The following TCF12 variants were observed in gnomAD, a reference collection of about 807,000 sequenced individuals.
TCF12 encodes transcription factor 12.
In TCF12, 45 loss-of-function variants were observed where a neutral mutation model predicts 86.0. The observed-to-expected ratio is 0.52, with a 90% confidence interval of 0.41 to 0.67. The LOEUF is 0.67. Among genes scored for constraint, TCF12 ranks in the 30% least tolerant of loss-of-function variants. The probability of loss-of-function intolerance (pLI) is 0.00; values close to 1 mark genes in which losing one functional copy is unlikely to be tolerated. For synonymous variants in TCF12, 330 were observed against 299.6 expected, an observed-to-expected ratio of 1.10 and a Z score of -1.05; for missense variants, 881 against 859.9, an observed-to-expected ratio of 1.02 and a Z score of -0.31.
chr15:57,173,764 G>T (rs1490978241), intron 6 of TCF12, among the ~76,000 whole-genome samples: 19 of 151,040 alleles, frequency 1.3e-4, no homozygotes, highest in Non-Finnish European at 1.5e-4. Context: ...CTGGAGTGAA[G>T]TGGTGCTATC....
At chr15:57,002,422 T>C (rs1567232649) in intron 3 of TCF12, among the ~76,000 whole-genome samples, 2 of 152,196 alleles carry the variant, frequency 1.3e-5, no homozygotes. Context: ...TTATTTACTA[T>C]ATAAAGTCTA....
intron 4 of TCF12, among the ~76,000 whole-genome samples, chr15:57,068,647 C>A (rs1445414321): frequency 6.6e-6 from 1 of 152,174 alleles, no homozygotes; most frequent in African/African-American, 2.4e-5. Context: ...AATTCGGGAA[C>A]AATCATCAGA....
intron 13 of TCF12, among the ~76,000 whole-genome samples, chr15:57,250,709 A>G (rs1310805443): frequency 4.6e-5 from 7 of 151,808 alleles, no homozygotes; most frequent in Non-Finnish European, 1.0e-4. Flanking sequence ...AGCCCAGGTA[A>G]CAGAGCAAGA....
At chr15:56,962,739 TC>T (rs563894944) in intron 3 of TCF12, among the ~76,000 whole-genome samples, 2 of 152,302 alleles carry the variant, frequency 1.3e-5, no homozygotes, top group Admixed American at 1.3e-4. Flanking sequence ...GAATTGCAAC[TC>T]CTGAGACATC....
intron 3 of TCF12, among the ~76,000 whole-genome samples, chr15:56,940,466 T>TCCTC (rs2060684369): frequency 6.7e-6 from 1 of 149,396 alleles, no homozygotes; most frequent in South Asian, 2.1e-4. Context: ...TTCTTCTTCC[T>TCCTC]CTTCTTCTTC....
chr15:56,939,044 C>T (rs2060610795), intron 3 of TCF12, among the ~76,000 whole-genome samples: 1 of 152,182 alleles, frequency 6.6e-6, no homozygotes, highest in South Asian at 2.1e-4. Context: ...ACTGGTCTCT[C>T]CTCACCTGAC....
chr15:57,179,826 C>T (rs1253126520), intron 6 of TCF12, among the ~76,000 whole-genome samples: 1 of 151,686 alleles, frequency 6.6e-6, no homozygotes, highest in Non-Finnish European at 1.5e-5. Flanking sequence ...AATATATTGT[C>T]CAAAGTGTTC....
rs185630132 is a variant in TCF12, at chr15:57,061,715, G to A, written c.149-2035G>A. On this transcript the variant is annotated intron_variant, in intron 3 of 20. Coordinates refer to ENST00000333725, the MANE Select transcript of TCF12 (RefSeq NM_207037.2). ...GTTATGGTTTGATTATTTTCATCAG[G>A]ACAAGATTCATCGAAATCACTTACC... Among the ~76,000 whole-genome samples the A allele has an allele frequency of 1.1e-4, 16 of 152,276 alleles. No individual in the cohort carries two copies. In the East Asian group the frequency reaches 2.7e-3, roughly 26 times the overall value.
intron 3 of TCF12, among the ~76,000 whole-genome samples, chr15:57,063,490 C>G (rs1199399916): frequency 6.6e-6 from 1 of 152,090 alleles, no homozygotes; most frequent in Non-Finnish European, 1.5e-5. Flanking sequence ...GAGACTATGC[C>G]CCATTCTAAA....
At chr15:57,111,834 C>G (rs1312622433) in intron 5 of TCF12, among the ~76,000 whole-genome samples, 2 of 152,086 alleles carry the variant, frequency 1.3e-5, no homozygotes, top group Admixed American at 1.3e-4. Flanking sequence ...CTCAAGCAGT[C>G]CACTAGCCTC....
At chr15:57,161,131 A>G (rs1334904520) in intron 5 of TCF12, among the ~76,000 whole-genome samples, 2 of 152,208 alleles carry the variant, frequency 1.3e-5, no homozygotes, top group African/African-American at 4.8e-5. Context: ...AGAAATGGGA[A>G]TGTAGAACTG....
At chr15:57,087,048 T>A (rs1165371624) in intron 4 of TCF12, among the ~76,000 whole-genome samples, 2 of 147,772 alleles carry the variant, frequency 1.4e-5, no homozygotes, top group East Asian at 3.9e-4. Flanking sequence ...TCTCTCTCCC[T>A]CTGTCTCCCT....
At chr15:57,084,342 T>A (rs1486696229) in intron 4 of TCF12, among the ~76,000 whole-genome samples, 1 of 152,182 alleles carries the variant, frequency 6.6e-6, no homozygotes, top group African/African-American at 2.4e-5. Context: ...GACAGTGGAA[T>A]TATGGTTTTA....
At position 57,177,633 on chromosome 15, in the gene TCF12, A is replaced by AGAGAGAGAGAGAGAGAGAGAGAGAGAGT. The variant is rs1362152149; in HGVS notation, c.390+11172_390+11173insAGAGAGAGAGAGAGAGAGAGAGTGAGAG. On this transcript the variant is annotated intron_variant, in intron 6 of 20. Transcript: ENST00000333725. ...CAGAGAGAGAGAGAGAGAGAGAGAGAGAGAGTTGGATTAGGCAGGGCCTAC... is the reference window on the plus strand; with the variant it reads ...CAGAGAGAGAGAGAGAGAGAGAGAGAGAGAGAGAGAGAGAGAGAGAGAGAGAGTGAGAGTTGGATTAGGCAGGGCCTAC... 3.3e-5 allele frequency among the ~76,000 whole-genome samples: 5 copies of AGAGAGAGAGAGAGAGAGAGAGAGAGAGT among 151,744 alleles called. No individual in the cohort carries two copies. In the East Asian group the frequency reaches 7.8e-4, roughly 24 times the overall value.
chr15:57,157,554 T>C (rs1330423576), intron 5 of TCF12, among the ~76,000 whole-genome samples: 2 of 112,720 alleles, frequency 1.8e-5, no homozygotes, highest in African/African-American at 4.5e-5. Context: ...AGTTTACTTC[T>C]TTTTTTTTTT....
At chr15:57,009,710 T>C (rs1275777207) in intron 3 of TCF12, among the ~76,000 whole-genome samples, 1 of 152,208 alleles carries the variant, frequency 6.6e-6, no homozygotes, top group East Asian at 1.9e-4. Context: ...TAAGTTCACG[T>C]AGGACATTTC....
In TCF12 at chr15:57,287,644, A is replaced by G. The variant is rs1364407660; in HGVS notation, c.*1499A>G. On this transcript the variant is annotated 3_prime_UTR_variant, in exon 21 of 21. Coordinates refer to ENST00000333725, the MANE Select transcript of TCF12 (RefSeq NM_207037.2). ...TTGGCTTAATAATTCCTTATAGCCA[A>G]TATCAACAGTGGCAATCAGCACACA... 4 of 152,668 alleles carry G rather than the reference A, an allele frequency of 2.6e-5. No individual in the cohort carries two copies. Among genetic ancestry groups the G allele is most frequent in the African/African-American group, 9.6e-5 (4 of 41,462 alleles). 9.5% of individuals were successfully genotyped at this position (152,668 alleles called of 1,614,324 possible). A position where few individuals can be genotyped will look rare whatever the true frequency, so the allele number is the denominator to read the frequency against.
chr15:57,111,871 G>A (rs2050518408), intron 5 of TCF12, among the ~76,000 whole-genome samples: 2 of 152,076 alleles, frequency 1.3e-5, no homozygotes, highest in Non-Finnish European at 2.9e-5. Flanking sequence ...AGGATTACAG[G>A]CATTAGCCAC....
chr15:57,230,073 T>G (rs1413778302), intron 8 of TCF12, among the ~76,000 whole-genome samples: 1 of 151,906 alleles, frequency 6.6e-6, no homozygotes, highest in African/African-American at 2.4e-5. Flanking sequence ...CAATTCGAAG[T>G]CCAAAGAGGT....
Sources: allele counts gnomAD v4.1 joint callset (sites outside exome capture counted in the v4.1 genomes callset), GRCh38; gene constraint gnomAD v4.1.1; transcripts MANE v1.5; gene names NCBI Gene and HGNC (gene_info 2026-07-23, HGNC 2026-07-21).